Variants in MED12L observed in about 807,000 individuals in gnomAD.
MED12L encodes the protein mediator complex subunit 12L.
MED12L carries 60 observed loss-of-function variants against 281.3 expected under a neutral mutation model. The ratio of observed to expected loss-of-function variants is 0.21; its 90% CI spans 0.17 to 0.26. The LOEUF is 0.26. Ranked by LOEUF, MED12L falls within the 10% of genes least tolerant of loss-of-function variation. The pLI is 1.00. For missense variants in MED12L, 2,146 were observed against 2,680.9 expected (o/e 0.80, Z 4.41); for synonymous variants, 974 against 987.2 (o/e 0.99, Z 0.25).
intron 5 of MED12L, among the ~76,000 whole-genome samples, chr3:151,141,187 G>GTTTTTTTGTTTTTTTTTTTTT (rs376743895): frequency 9.1e-5 from 9 of 99,112 alleles, no homozygotes; most frequent in African/African-American, 2.4e-4. Flanking sequence ...TGTTTTTTTT[G>GTTTTTTTGTTTTTTTTTTTTT]TTTTTTTTTT....
chr3:151,307,176 C>G (rs576586383), intron 16 of MED12L, among the ~76,000 whole-genome samples: 5 of 152,218 alleles, frequency 3.3e-5, no homozygotes, highest in African/African-American at 1.2e-4. Context: ...TCAGTTTAAG[C>G]CTGACTTTAT....
At chr3:151,278,960 C>T (rs1006493990) in intron 16 of MED12L, among the ~76,000 whole-genome samples, 1 of 152,210 alleles carries the variant, frequency 6.6e-6, no homozygotes, top group African/African-American at 2.4e-5. Flanking sequence ...ATAAACTCCT[C>T]GTGTGTTAAC....
intron 2 of MED12L, among the ~76,000 whole-genome samples, chr3:151,101,956 C>G (rs888176639): frequency 1.3e-5 from 2 of 152,140 alleles, no homozygotes; most frequent in Non-Finnish European, 2.9e-5. Flanking sequence ...ACTCATATTT[C>G]TTGGAACACT....
chr3:151,226,904 A>G (rs545823977), intron 16 of MED12L, among the ~76,000 whole-genome samples: 3 of 152,344 alleles, frequency 2.0e-5, no homozygotes, highest in Non-Finnish European at 2.9e-5. Flanking sequence ...ACGTTAACCT[A>G]TAAATGGTGG....
chr3:151,188,832 G>A (rs1047992076), intron 13 of MED12L, among the ~76,000 whole-genome samples: 1 of 152,180 alleles, frequency 6.6e-6, no homozygotes, highest in Non-Finnish European at 1.5e-5. Context: ...AAACATGGGA[G>A]TAGGGGGGAA....
chr3:151,393,142 G>C (rs76368142), intron 38 of MED12L, among the ~76,000 whole-genome samples: 9,236 of 152,190 alleles, frequency 0.061, 422 homozygotes, highest in Middle Eastern at 0.18. Context: ...CTTGTGCCAA[G>C]GTTGAGGACA....
intron 16 of MED12L, among the ~76,000 whole-genome samples, chr3:151,251,839 G>A (rs1736914264): frequency 6.6e-6 from 1 of 152,088 alleles, no homozygotes; most frequent in African/African-American, 2.4e-5. Flanking sequence ...TTGCTTCTCA[G>A]TCTTTATTAT....
chr3:151,147,946 C>T (rs1576828045), intron 5 of MED12L, among the ~76,000 whole-genome samples: 1 of 152,294 alleles, frequency 6.6e-6, no homozygotes, highest in Non-Finnish European at 1.5e-5. Context: ...AACTATCCTA[C>T]TGTTTTCCAC....
At chr3:151,377,918 C>A in intron 30 of MED12L, 94 bp from the exon 31 acceptor site, 1 of 1,258,468 alleles carries the variant, frequency 7.9e-7, no homozygotes, top group African/African-American at 1.5e-5. Context: ...CTGTGTGTCT[C>A]ATACATCAAA....
intron 2 of MED12L, among the ~76,000 whole-genome samples, chr3:151,115,327 C>CTTTTTTTTT (rs66728754): frequency 4.9e-5 from 3 of 60,806 alleles, no homozygotes; most frequent in South Asian, 6.6e-4. Context: ...GGAAACAATT[C>CTTTTTTTTT]TTTTTTTTTT....
intron 41 of MED12L, among the ~76,000 whole-genome samples, chr3:151,412,230 G>T (rs543014542): frequency 6.6e-6 from 1 of 152,308 alleles, no homozygotes. Context: ...GTTTAGAAGG[G>T]CCTGTGTTTA....
chr3:151,249,347 T>C (rs1309166356), intron 16 of MED12L, among the ~76,000 whole-genome samples: 1 of 152,232 alleles, frequency 6.6e-6, no homozygotes. Flanking sequence ...TCACATGGTT[T>C]CAAACTAATT....
intron 16 of MED12L, among the ~76,000 whole-genome samples, chr3:151,200,254 C>G (rs1468795610): frequency 6.6e-6 from 1 of 152,116 alleles, no homozygotes; most frequent in African/African-American, 2.4e-5. Flanking sequence ...TTTGTAAGCT[C>G]AAGTTAAACT....
chr3:151,410,833 T>G (rs542471736), intron 40 of MED12L, among the ~76,000 whole-genome samples: 1 of 152,324 alleles, frequency 6.6e-6, no homozygotes, highest in East Asian at 1.9e-4. Flanking sequence ...ACTGGAAAAG[T>G]GTATTTCATT....
At chr3:151,300,746 C>G (rs1301333701) in intron 16 of MED12L, among the ~76,000 whole-genome samples, 1 of 152,204 alleles carries the variant, frequency 6.6e-6, no homozygotes, top group Admixed American at 6.5e-5. Flanking sequence ...TCTGTCCAAT[C>G]ACAAAGCAAA....
intron 38 of MED12L, among the ~76,000 whole-genome samples, chr3:151,392,804 AG>A (rs1665537437): frequency 6.6e-6 from 1 of 152,192 alleles, no homozygotes; most frequent in Non-Finnish European, 1.5e-5. Flanking sequence ...AGGTGTACAA[AG>A]GGCTTCAGCC....
intron 12 of MED12L, among the ~76,000 whole-genome samples, chr3:151,187,391 A>C (rs1723424888): frequency 1.3e-5 from 2 of 152,210 alleles, no homozygotes; most frequent in African/African-American, 4.8e-5. Flanking sequence ...ATTACCTTGT[A>C]ATTTTAATAG....
intron 2 of MED12L, among the ~76,000 whole-genome samples, chr3:151,102,994 G>A (rs955116272): frequency 1.3e-5 from 2 of 152,210 alleles, no homozygotes; most frequent in African/African-American, 2.4e-5. Context: ...TCTGCCCTCA[G>A]ATCACCTAGC....
At position 151,165,962 on chromosome 3, in the gene MED12L, CA is replaced by C; in HGVS notation, c.1478del (p.Asn493ThrfsTer15). 1 of 1,611,534 alleles carries C rather than the reference CA, an allele frequency of 6.2e-7. No individual in the cohort carries two copies. The highest frequency in any genetic ancestry group is 8.5e-7 in the Non-Finnish European group (1 of 1,178,742). ...TTATCATAAGATTTTCTGGGCAAACCAAAACAAAGATAACCAAGAGGTAGTT... is the reference window on the plus strand; with the variant it reads ...TTATCATAAGATTTTCTGGGCAAACCAAACAAAGATAACCAAGAGGTAGTT... ...TLYHKIFWANQNKDNQEVAPN... is the reference protein window; with the variant it reads ...TLYHKIFWANXNKDNQEVAPN... On this transcript the variant is annotated frameshift_variant, in exon 11 of 45. Coordinates refer to ENST00000687756, the MANE Select transcript of MED12L (RefSeq NM_001393769.1). LOFTEE classifies it high-confidence loss of function.
Sources: gnomAD v4.1 joint callset for allele counts (sites outside exome capture counted in the v4.1 genomes callset) on GRCh38, gnomAD v4.1.1 for gene constraint, MANE v1.5 for transcripts, NCBI Gene and HGNC (gene_info 2026-07-23, HGNC 2026-07-21) for gene names.